Variants in CLCN5 observed in about 807,000 individuals in gnomAD.
The protein encoded by CLCN5 is H(+)/Cl(-) exchange transporter 5.
A neutral mutation model predicts 54.0 loss-of-function variants in CLCN5; 17 were observed. The ratio of observed to expected loss-of-function variants is 0.31; its 90% CI spans 0.22 to 0.47. CLCN5 has a LOEUF of 0.47. Ranked by LOEUF, CLCN5 falls within the 20% of genes least tolerant of loss-of-function variation. CLCN5 has a pLI of 1.00. For missense variants in CLCN5, 448 were observed against 646.7 expected (o/e 0.69, Z 3.33); for synonymous variants, 222 against 233.0 (o/e 0.95, Z 0.43).
At chrX:49,998,279 G>A (rs1557179905) in intron 3 of CLCN5, among the ~76,000 whole-genome samples, 1 of 111,705 alleles carries the variant, frequency 9.0e-6, no homozygotes, top group East Asian at 2.8e-4. Flanking sequence ...CGACACAGGT[G>A]TAGAAGGTGT....
In CLCN5 at chrX:50,036,308, A is replaced by G. The variant is rs186398925; in HGVS notation, c.17-6008A>G. 1.9e-4 allele frequency among the ~76,000 whole-genome samples: 21 copies of G among 112,124 alleles called. 2 individuals are homozygous for G. In the Admixed American group the frequency reaches 1.9e-3, roughly 10 times the overall value. ...ATATTCATAACATCTGTTTTGCTTGATTTACTTGCTTCTTCCAATTTTCTT... is the reference window on the plus strand; with the variant it reads ...ATATTCATAACATCTGTTTTGCTTGGTTTACTTGCTTCTTCCAATTTTCTT... On this transcript the variant is annotated intron_variant, in intron 3 of 14. Coordinates refer to ENST00000376091, the MANE Select transcript of CLCN5 (RefSeq NM_001127898.4).
intron 3 of CLCN5, among the ~76,000 whole-genome samples, chrX:49,943,845 C>T (rs1326869386): frequency 9.0e-6 from 1 of 111,332 alleles, no homozygotes; most frequent in Non-Finnish European, 1.9e-5. Flanking sequence ...GTGATGTCTC[C>T]AGCTTTGTTC....
intron 9 of CLCN5, 146 bp downstream of exon 9, chrX:50,081,993 A>G: frequency 1.9e-6 from 1 of 534,290 alleles, no homozygotes; most frequent in Non-Finnish European, 3.2e-6. Context: ...TATCCTACAG[A>G]TATCCTAGCA....
intron 11 of CLCN5, 104 bp downstream of exon 11, chrX:50,086,974 A>C: frequency 2.6e-6 from 2 of 766,330 alleles, no homozygotes; most frequent in Non-Finnish European, 3.9e-6. Flanking sequence ...GGTGCTTTCA[A>C]ATCCCCCTCA....
chrX:49,922,646 C>T lies in CLCN5; in HGVS notation c.-351C>T, dbSNP rs1925113301. The T allele has an allele frequency of 8.8e-6, 1 of 113,038 alleles. No individual in the cohort carries two copies. Among genetic ancestry groups the T allele is most frequent in the African/African-American group, 3.2e-5 (1 of 31,196 alleles). 9.3% of individuals were successfully genotyped at this position (113,038 alleles called of 1,213,427 possible). A position where few individuals can be genotyped will look rare whatever the true frequency, so the allele number is the denominator to read the frequency against. On this transcript the variant is annotated 5_prime_UTR_variant, in exon 1 of 15. Transcript: ENST00000376091. ...TGAGCCGCGCGCCCGCTTCGCTCCC[C>T]CTCCTCCCCGGCTGGGCTGTGTGAA...
chrX:49,978,708 A>G (rs2147338375), intron 3 of CLCN5, among the ~76,000 whole-genome samples: 1 of 112,305 alleles, frequency 8.9e-6, no homozygotes, highest in African/African-American at 3.2e-5. Context: ...CTAGTCTTAA[A>G]ATCTCTTTTT....
At chrX:49,975,771 T>C (rs191161008) in intron 3 of CLCN5, among the ~76,000 whole-genome samples, 3 of 111,743 alleles carry the variant, frequency 2.7e-5, no homozygotes, top group African/African-American at 9.8e-5. Flanking sequence ...CATAGTGAGA[T>C]GGATGTATGA....
intron 7 of CLCN5, among the ~76,000 whole-genome samples, chrX:50,077,812 C>CAAAAAAA (rs35768604): frequency 1.3e-4 from 3 of 22,341 alleles, no homozygotes; most frequent in Admixed American, 7.6e-4. Flanking sequence ...CCTGTCTCTA[C>CAAAAAAA]AAAAAAAAAA....
chrX:49,949,777 A>G (rs1926942261), intron 3 of CLCN5, among the ~76,000 whole-genome samples: 1 of 111,712 alleles, frequency 9.0e-6, no homozygotes, highest in African/African-American at 3.3e-5. Context: ...TAATGTAGTG[A>G]TTTATTCATA....
chrX:50,002,416 T>C, intron 3 of CLCN5, among the ~76,000 whole-genome samples: 1 of 112,051 alleles, frequency 8.9e-6, no homozygotes, highest in Middle Eastern at 4.6e-3. Context: ...ATGGAGAATT[T>C]TAATAAGCTA....
intron 4 of CLCN5, among the ~76,000 whole-genome samples, chrX:50,065,351 G>A (rs1371461029): frequency 1.3e-5 from 1 of 75,808 alleles, no homozygotes; most frequent in Non-Finnish European, 2.5e-5. Flanking sequence ...AGTGGGCGAA[G>A]GACATGAACA....
intron 4 of CLCN5, among the ~76,000 whole-genome samples, chrX:50,046,302 T>C (rs1557187742): frequency 1.8e-5 from 2 of 112,270 alleles, no homozygotes; most frequent in African/African-American, 3.2e-5. Flanking sequence ...TTGATACTTA[T>C]GGAACACCCA....
At chrX:50,007,306 C>A (rs1414752575) in intron 3 of CLCN5, among the ~76,000 whole-genome samples, 2 of 111,267 alleles carry the variant, frequency 1.8e-5, no homozygotes, top group Non-Finnish European at 3.8e-5. Context: ...TGTGAGCATA[C>A]AGGGACAGGA....
intron 3 of CLCN5, among the ~76,000 whole-genome samples, chrX:49,955,091 C>T: frequency 9.0e-6 from 1 of 111,314 alleles, no homozygotes; most frequent in South Asian, 3.8e-4. Flanking sequence ...GGACAGGTCA[C>T]TTAACCTCTC....
chrX:50,092,737 CA>C lies in CLCN5; in HGVS notation c.*521del, dbSNP rs1934145268. 2 of 118,088 alleles carry C rather than the reference CA, an allele frequency of 1.7e-5. No individual in the cohort carries two copies. The highest frequency in any genetic ancestry group is 3.6e-5 in the Non-Finnish European group (2 of 56,328). The allele number at this position is 118,088 out of a possible 1,213,427, so 9.7% of individuals were successfully genotyped here. ...TTTTCTAGACTGTGAAGATTCAGTTCAAATGTTATCCTTGTTCCTGTTACAA... is the reference window on the plus strand; with the variant it reads ...TTTTCTAGACTGTGAAGATTCAGTTCAATGTTATCCTTGTTCCTGTTACAA... On this transcript the variant is annotated 3_prime_UTR_variant, in exon 15 of 15. Transcript: ENST00000376091.
intron 3 of CLCN5, among the ~76,000 whole-genome samples, chrX:49,960,742 T>C (rs1397830580): frequency 9.0e-6 from 1 of 111,134 alleles, no homozygotes; most frequent in African/African-American, 3.3e-5. Context: ...CTCTCTTGTA[T>C]CTTCAGTGTT....
chrX:49,965,946 GA>G (rs1927822690), intron 3 of CLCN5, among the ~76,000 whole-genome samples: 2 of 112,008 alleles, frequency 1.8e-5, no homozygotes, highest in African/African-American at 6.5e-5. Flanking sequence ...GCCTTCCTGA[GA>G]TGAACCCCAC....
rs1934198016 is a variant in CLCN5, at chrX:50,094,491, GA to G, written c.*2275del. On this transcript the variant is annotated 3_prime_UTR_variant, in exon 15 of 15. Coordinates refer to ENST00000376091, the MANE Select transcript of CLCN5 (RefSeq NM_001127898.4). ...ACTATTTCTGGTATTTAATGACAAT[GA>G]AAGGTTTGGTCATATTTCATAGTGC... 1 of 112,422 alleles carries G rather than the reference GA, an allele frequency of 8.9e-6. No individual in the cohort carries two copies. The highest frequency in any genetic ancestry group is 1.9e-5 in the Non-Finnish European group (1 of 53,296). The allele number at this position is 112,422 out of a possible 1,213,427, so 9.3% of individuals were successfully genotyped here.
At chrX:49,936,125 C>G (rs1557169635) in intron 3 of CLCN5, among the ~76,000 whole-genome samples, 1 of 111,702 alleles carries the variant, frequency 9.0e-6, no homozygotes. Context: ...TCACTAGATT[C>G]TATGTAGTGA....
Sources: allele counts gnomAD v4.1 joint callset (sites outside exome capture counted in the v4.1 genomes callset), GRCh38; gene constraint gnomAD v4.1.1; transcripts MANE v1.5; gene names NCBI Gene and HGNC (gene_info 2026-07-23, HGNC 2026-07-21).